Variants in USP24 observed in about 807,000 individuals in gnomAD.
USP24 encodes ubiquitin specific peptidase 24.
A neutral mutation model predicts 361.6 loss-of-function variants in USP24; 97 were observed. The ratio of observed to expected loss-of-function variants is 0.27; its 90% CI spans 0.23 to 0.32. The LOEUF is 0.32. Among genes scored for constraint, USP24 ranks in the 10% least tolerant of loss-of-function variants. The probability of loss-of-function intolerance (pLI) is 1.00; values close to 1 mark genes in which losing one functional copy is unlikely to be tolerated. For missense variants in USP24, 2,353 were observed against 3,165.6 expected, an observed-to-expected ratio of 0.74 and a Z score of 6.16; for synonymous variants, 1,098 against 1,124.6, an observed-to-expected ratio of 0.98 and a Z score of 0.47.
At chr1:55,183,914 A>G (rs560706356) in intron 1 of USP24, among the ~76,000 whole-genome samples, 86 of 152,338 alleles carry the variant, frequency 5.6e-4, no homozygotes, top group South Asian at 3.3e-3. Flanking sequence ...GGTCAATACA[A>G]CAGGAAGATA....
intron 54 of USP24, 97 bp from the exon 55 acceptor site, chr1:55,089,837 G>A (rs879028935): frequency 6.3e-6 from 5 of 795,784 alleles, no homozygotes; most frequent in Middle Eastern, 4.6e-4. Context: ...TTCTATCTAT[G>A]AATGTCTCTC....
rs538839891 is a variant in USP24, at chr1:55,083,557, CAATT to C, written c.6883-197_6883-194del. ...ACATTGCTTCACAATAACTACTAAA[CAATT>C]AACCCCTAGTTTTAATGCAGACTTC... On this transcript the variant is annotated intron_variant, in intron 57 of 67. Coordinates refer to ENST00000294383, the MANE Select transcript of USP24 (RefSeq NM_015306.3). Among the ~76,000 whole-genome samples, 464 of 152,170 alleles carry C rather than the reference CAATT, an allele frequency of 3.0e-3. 3 individuals are homozygous for C. The highest frequency in any genetic ancestry group is 0.011 in the African/African-American group (446 of 41,506).
chr1:55,071,212 G>A (rs1263411459), intron 67 of USP24: 1 of 987,074 alleles, frequency 1.0e-6, no homozygotes, highest in Non-Finnish European at 1.2e-6. Flanking sequence ...AGAGGAGACT[G>A]CTGTTAAGGA....
chr1:55,144,029 A>T, intron 21 of USP24, 98 bp downstream of exon 21: 1 of 1,013,876 alleles, frequency 9.9e-7, no homozygotes, highest in East Asian at 2.9e-5. Context: ...TACCAAAAAA[A>T]TCCATGTTAT....
chr1:55,127,192 T>C (rs182380141), intron 32 of USP24, among the ~76,000 whole-genome samples: 2,226 of 151,914 alleles, frequency 0.015, 31 homozygotes, highest in Admixed American at 0.026. Context: ...GCATTAGGTA[T>C]ATCTCCTAAT....
intron 1 of USP24, among the ~76,000 whole-genome samples, chr1:55,203,513 C>G (rs1644630629): frequency 6.6e-6 from 1 of 152,194 alleles, no homozygotes. Context: ...GAGGGAAATG[C>G]AGGAAATATT....
intron 5 of USP24, among the ~76,000 whole-genome samples, chr1:55,168,186 G>A (rs770013908): frequency 9.2e-5 from 14 of 152,126 alleles, no homozygotes; most frequent in Non-Finnish European, 1.9e-4. Context: ...AGCAACTGGG[G>A]TCAGTGCTGT....
chr1:55,180,588 C>T (rs979814390), intron 1 of USP24, among the ~76,000 whole-genome samples: 4 of 152,196 alleles, frequency 2.6e-5, no homozygotes, highest in Non-Finnish European at 5.9e-5. Flanking sequence ...AATCTACGGG[C>T]ACAATCAATG....
chr1:55,124,083 T>A (rs1361098403), intron 35 of USP24, among the ~76,000 whole-genome samples: 1 of 152,190 alleles, frequency 6.6e-6, no homozygotes, highest in Non-Finnish European at 1.5e-5. Context: ...GAAATAAAGC[T>A]ATATTTTAAA....
chr1:55,110,825 C>A (rs911117951), intron 38 of USP24, among the ~76,000 whole-genome samples: 3 of 152,146 alleles, frequency 2.0e-5, no homozygotes, highest in Admixed American at 2.0e-4. Flanking sequence ...CTACTTATAG[C>A]AGCTGGATGT....
At chr1:55,129,966 A>T (rs1347860370) in intron 31 of USP24, among the ~76,000 whole-genome samples, 1 of 152,160 alleles carries the variant, frequency 6.6e-6, no homozygotes, top group Non-Finnish European at 1.5e-5. Context: ...CCCAACAATA[A>T]CTCTAACTCC....
intron 57 of USP24, 94 bp downstream of exon 57, chr1:55,083,678 A>T: frequency 1.1e-6 from 1 of 917,142 alleles, no homozygotes; most frequent in Non-Finnish European, 1.6e-6. Flanking sequence ...ATCATAAAAA[A>T]CATACCATAT....
At chr1:55,206,118 T>C (rs954550296) in intron 1 of USP24, among the ~76,000 whole-genome samples, 3 of 152,230 alleles carry the variant, frequency 2.0e-5, no homozygotes, top group Non-Finnish European at 2.9e-5. Flanking sequence ...AGACGTTTTA[T>C]TTCATTTCAT....
rs143578386 is a variant in USP24, at chr1:55,187,183, C to T, written c.325-9051G>A. Among the ~76,000 whole-genome samples the T allele has an allele frequency of 3.6e-3, 549 of 152,170 alleles. 1 individual carries two copies. Among genetic ancestry groups the T allele is most frequent in the African/African-American group, 0.012 (517 of 41,522 alleles). ...TAACAGAATAAAGGACATAAAAAATCACGAGATCATCTCAAGTGAAGCAGG... is the reference window on the plus strand; with the variant it reads ...TAACAGAATAAAGGACATAAAAAATTACGAGATCATCTCAAGTGAAGCAGG... On this transcript the variant is annotated intron_variant, in intron 1 of 67. Coordinates refer to ENST00000294383, the MANE Select transcript of USP24 (RefSeq NM_015306.3).
At chr1:55,086,716 C>A (rs1645259111) in intron 55 of USP24, among the ~76,000 whole-genome samples, 1 of 152,186 alleles carries the variant, frequency 6.6e-6, no homozygotes, top group Non-Finnish European at 1.5e-5. Flanking sequence ...CCTTCAGATA[C>A]ACGCTGAAAA....
chr1:55,166,514 C>T (rs1648881552), intron 6 of USP24, 54 bp downstream of exon 6: 1 of 1,494,096 alleles, frequency 6.7e-7, no homozygotes, highest in Non-Finnish European at 9.1e-7. Context: ...TCTAGGACGT[C>T]TCATTAGAAA....
At chr1:55,096,373 G>T in intron 50 of USP24, 125 bp downstream of exon 50, 1 of 789,458 alleles carries the variant, frequency 1.3e-6, no homozygotes, top group Non-Finnish European at 1.8e-6. Flanking sequence ...TGGTTCTATT[G>T]CTAGAACAGT....
At chr1:55,108,223 T>C (rs994484886) in intron 39 of USP24, among the ~76,000 whole-genome samples, 2 of 152,174 alleles carry the variant, frequency 1.3e-5, no homozygotes, top group African/African-American at 4.8e-5. Flanking sequence ...TTCTAAACAA[T>C]GTGCCAAACT....
At chr1:55,112,628 G>A (rs138115958) in intron 38 of USP24, among the ~76,000 whole-genome samples, 83 of 152,268 alleles carry the variant, frequency 5.5e-4, no homozygotes, top group African/African-American at 1.8e-3. Context: ...ATTGCACTGC[G>A]GTCTGAGAGA....
Sources: gnomAD v4.1 joint callset for allele counts (sites outside exome capture counted in the v4.1 genomes callset) on GRCh38, gnomAD v4.1.1 for gene constraint, MANE v1.5 for transcripts, NCBI Gene and HGNC (gene_info 2026-07-23, HGNC 2026-07-21) for gene names.